Variants in C14orf39 observed in about 807,000 individuals in gnomAD.
The protein encoded by C14orf39 is protein SIX6OS1.
C14orf39 carries 66 observed loss-of-function variants against 85.6 expected under a neutral mutation model. That is an observed-to-expected ratio of 0.77 (90% confidence interval 0.63 to 0.95). The LOEUF (loss-of-function observed/expected upper bound fraction) is 0.95. C14orf39 is among the 40% of genes least tolerant of loss of function. The probability of loss-of-function intolerance (pLI) is 0.00; values close to 1 mark genes in which losing one functional copy is unlikely to be tolerated. For missense variants in C14orf39, 735 were observed against 663.9 expected, an observed-to-expected ratio of 1.11 and a Z score of -1.18; for synonymous variants, 242 against 214.0, an observed-to-expected ratio of 1.13 and a Z score of -1.14.
intron 11 of C14orf39, among the ~76,000 whole-genome samples, chr14:60,463,773 T>A (rs1185042036): frequency 6.6e-6 from 1 of 152,108 alleles, no homozygotes; most frequent in Non-Finnish European, 1.5e-5. Flanking sequence ...GATATACTTT[T>A]TATTCTAGTA....
chr14:60,439,429 A>G (rs974164329), intron 17 of C14orf39, among the ~76,000 whole-genome samples: 3 of 152,192 alleles, frequency 2.0e-5, no homozygotes, highest in Non-Finnish European at 2.9e-5. Context: ...GGTTTCAATG[A>G]AAATAGAAAA....
rs772705811 is a variant in C14orf39 at position 60,457,025 on chromosome 14, T to C, written c.1250A>G (p.Asn417Ser). The C allele has an allele frequency of 1.9e-6, 3 of 1,611,132 alleles. No homozygotes were observed. In the Admixed American group the frequency reaches 5.0e-5, roughly 27 times the overall value. The change falls in exon 15 of 18, where the codon AAT becomes AGT. Residue 417 changes from asparagine to serine, a missense_variant. Transcript: ENST00000321731. The part of the protein sequence containing the change: ...DSDEVEERAE[N>S]FPRTSEIPIF... The stretch of plus-strand genomic sequence containing the variant: ...AGGAATTTCAGACGTTCGTGGAAAA[T>C]TCTCAGCTCTCTCTTCTACTTCATC...
intron 16 of C14orf39, among the ~76,000 whole-genome samples, chr14:60,449,495 G>A (rs974741429): frequency 3.9e-5 from 6 of 152,048 alleles, no homozygotes; most frequent in African/African-American, 7.2e-5. Context: ...CCTTAAAACC[G>A]TTATCATGCC....
chr14:60,487,748 G>A (rs1892924728), upstream of C14orf39, among the ~76,000 whole-genome samples: 1 of 152,166 alleles, frequency 6.6e-6, no homozygotes, highest in African/African-American at 2.4e-5. Flanking sequence ...CCCGCAAAGA[G>A]TGTACAACTT....
chr14:60,436,580 A>C lies in C14orf39; in HGVS notation c.*265T>G. On this transcript the variant is annotated 3_prime_UTR_variant, in exon 18 of 18. Transcript: ENST00000321731. Reference sequence around the variant, plus strand: ...TATTTAAATAAAGAGTAATGAAAAAAGCATCAAATTCTATTAAGATTAATA... The same window carrying C: ...TATTTAAATAAAGAGTAATGAAAAACGCATCAAATTCTATTAAGATTAATA... The C allele has an allele frequency of 4.2e-6, 1 of 240,158 alleles. No individual in the cohort carries two copies. The highest frequency in any genetic ancestry group is 7.9e-6 in the Non-Finnish European group (1 of 127,146). The allele number at this position is 240,158 out of a possible 1,614,324, so 14.9% of individuals were successfully genotyped here.
chr14:60,480,911 A>G (rs1595484235), intron 4 of C14orf39, among the ~76,000 whole-genome samples: 1 of 152,186 alleles, frequency 6.6e-6, no homozygotes, highest in East Asian at 1.9e-4. Context: ...AGTCAATCTC[A>G]TATAAACAGA....
chr14:60,485,104 A>G lies in C14orf39; in HGVS notation c.-8-18T>C. ...CTTGGATACTATGTTAAATGAAAAA[A>G]AAAATTATAAGATTTTCTGAAGTCG... is the stretch of plus-strand genomic sequence containing the variant. On this transcript the variant is annotated intron_variant, in intron 1 of 17. Coordinates refer to ENST00000321731, the MANE Select transcript of C14orf39 (RefSeq NM_174978.3). 1 of 1,582,130 alleles carries G rather than the reference A, an allele frequency of 6.3e-7. No homozygotes were observed.
At chr14:60,486,486 C>T (rs1039068369), upstream of C14orf39, among the ~76,000 whole-genome samples, 3 of 152,200 alleles carry the variant, frequency 2.0e-5, no homozygotes, top group African/African-American at 7.2e-5. Context: ...GCAAGCACAA[C>T]TCAAATACAT....
chr14:60,438,118 C>T (rs1053147572), intron 17 of C14orf39, among the ~76,000 whole-genome samples: 49 of 151,728 alleles, frequency 3.2e-4, no homozygotes, highest in African/African-American at 1.2e-3. Context: ...AAATAATTTG[C>T]ATCACTTTGA....
intron 16 of C14orf39, among the ~76,000 whole-genome samples, chr14:60,448,487 T>A (rs1371857930): frequency 6.6e-6 from 1 of 152,172 alleles, no homozygotes; most frequent in Non-Finnish European, 1.5e-5. Context: ...TGAGATACTA[T>A]CTCATGCTAG....
At chr14:60,439,655 C>T (rs185877893) in intron 17 of C14orf39, among the ~76,000 whole-genome samples, 1 of 152,052 alleles carries the variant, frequency 6.6e-6, no homozygotes, top group East Asian at 1.9e-4. Flanking sequence ...TTAAACTGTA[C>T]AATCAGAAAT....
intron 11 of C14orf39, among the ~76,000 whole-genome samples, chr14:60,463,381 G>A (rs1283035657): frequency 6.6e-6 from 1 of 152,002 alleles, no homozygotes; most frequent in Non-Finnish European, 1.5e-5. Flanking sequence ...CTTTGTTAGT[G>A]TCTCTTATCA....
intron 1 of C14orf39, chr14:60,509,505 C>A: frequency 6.2e-7 from 1 of 1,604,480 alleles, no homozygotes; most frequent in South Asian, 1.1e-5. Context: ...TTCCTCTGGT[C>A]GCTGCCCGTG....
At chr14:60,465,634 TA>T (rs1396515682) in intron 11 of C14orf39, among the ~76,000 whole-genome samples, 1 of 152,116 alleles carries the variant, frequency 6.6e-6, no homozygotes, top group African/African-American at 2.4e-5. Context: ...TCCTGGGCAA[TA>T]ATTTCCCTCT....
At chr14:60,476,170 T>C (rs1193055762) in intron 5 of C14orf39, among the ~76,000 whole-genome samples, 1 of 152,206 alleles carries the variant, frequency 6.6e-6, no homozygotes, top group Non-Finnish European at 1.5e-5. Context: ...ACTTACTATT[T>C]AATCGCTTGG....
At chr14:60,467,854 T>C (rs1205281284) in intron 9 of C14orf39, among the ~76,000 whole-genome samples, 1 of 151,360 alleles carries the variant, frequency 6.6e-6, no homozygotes. Flanking sequence ...AGGATATAAG[T>C]AGGGGGAAAA....
At chr14:60,454,131 A>G (rs1468674987) in intron 16 of C14orf39, among the ~76,000 whole-genome samples, 1 of 150,940 alleles carries the variant, frequency 6.6e-6, no homozygotes, top group Non-Finnish European at 1.5e-5. Flanking sequence ...TTGAAGATGT[A>G]AAATACTATA....
chr14:60,462,871 A>T lies in C14orf39; in HGVS notation c.973-1278T>A, dbSNP rs141000163. 5.1e-4 allele frequency among the ~76,000 whole-genome samples: 77 copies of T among 152,084 alleles called. No individual in the cohort carries two copies. The East Asian group carries it at 0.013, about 26-fold the overall frequency. On this transcript the variant is annotated intron_variant, in intron 11 of 17. Transcript: ENST00000321731. ...GGCCCAATACAATTCTTCTTTTTCC[A>T]GTGTGGCCCAGGTAAGCCAAAAGAT...
At chr14:60,495,196 A>C (rs533392197) in intron 2 of C14orf39, 1 of 197,220 alleles carries the variant, frequency 5.1e-6, no homozygotes, top group East Asian at 1.3e-4. Context: ...ATAGCAGCTC[A>C]AGATTCAGTG....
Sources: gnomAD v4.1 joint callset for allele counts (sites outside exome capture counted in the v4.1 genomes callset) on GRCh38, gnomAD v4.1.1 for gene constraint, MANE v1.5 for transcripts, NCBI Gene and HGNC (gene_info 2026-07-23, HGNC 2026-07-21) for gene names.